The following GPR137 variants were observed in gnomAD, a reference collection of about 807,000 sequenced individuals.
GPR137 encodes the protein integral membrane protein GPR137.
GPR137 carries 20 observed loss-of-function variants against 38.9 expected under a neutral mutation model. That is an observed-to-expected ratio of 0.51 (90% CI 0.36 to 0.75). The LOEUF is 0.75. Ranked by LOEUF, GPR137 falls within the 30% of genes least tolerant of loss-of-function variation. GPR137 has a pLI of 0.00. For missense variants in GPR137, 456 were observed against 526.4 expected (o/e 0.87, Z 1.31); for synonymous variants, 226 against 235.8 (o/e 0.96, Z 0.38).
chr11:64,277,492 G>A (rs1380986518), intron 2 of GPR137, among the ~76,000 whole-genome samples: 1 of 152,158 alleles, frequency 6.6e-6, no homozygotes, highest in African/African-American at 2.4e-5. Flanking sequence ...GACTGGAGTG[G>A]GGTGGCACGA....
At chr11:64,279,759 T>C (rs1383701720), upstream of GPR137, among the ~76,000 whole-genome samples, 81 of 58,662 alleles carry the variant, frequency 1.4e-3, no homozygotes, top group East Asian at 0.019. Context: ...TAAGACTCTA[T>C]CTCAAAAAAA....
chr11:64,273,074 A>G (rs935307588), upstream of GPR137, among the ~76,000 whole-genome samples: 1 of 152,294 alleles, frequency 6.6e-6, no homozygotes, highest in Middle Eastern at 3.4e-3. Context: ...AATTTAAAAA[A>G]TTAATAAAAG....
rs751256792 is a variant in GPR137 at position 64,286,749 on chromosome 11, C to T, written c.225C>T (p.Thr75=). 4.2e-5 allele frequency: 68 copies of T among 1,612,736 alleles called. No homozygotes were observed. Among genetic ancestry groups the T allele is most frequent in the Admixed American group, 2.0e-4 (12 of 59,926 alleles). The change falls in exon 1 of 7, where the codon ACC becomes ACT. Residue 75 remains threonine, a synonymous_variant. Coordinates refer to ENST00000438980, the MANE Select transcript of GPR137 (RefSeq NM_001170880.2). ...LCLLWAALRT[T]LFSFYFRDTP... ...TGCTCTGGGCCGCCTTGCGTACCAC[C>T]CTCTTCTCCTTCTACTTCCGAGATA...
chr11:64,280,406 C>T (rs1237234407), upstream of GPR137, among the ~76,000 whole-genome samples: 6 of 145,644 alleles, frequency 4.1e-5, no homozygotes, highest in Admixed American at 1.4e-4. Flanking sequence ...GGCTGGAGTG[C>T]AGTGGCACCA....
upstream of GPR137, among the ~76,000 whole-genome samples, chr11:64,281,167 C>A (rs1280538395): frequency 6.6e-6 from 1 of 152,148 alleles, no homozygotes; most frequent in Non-Finnish European, 1.5e-5. Flanking sequence ...CGGGGTTCAC[C>A]GTGTTAGCCA....
chr11:64,273,080 A>G (rs2032760535), upstream of GPR137, among the ~76,000 whole-genome samples: 1 of 152,158 alleles, frequency 6.6e-6, no homozygotes, highest in Admixed American at 6.5e-5. Flanking sequence ...AAAAATTAAT[A>G]AAAGAAGGCC....
chr11:64,278,788 AG>A (rs1395643790), intron 2 of GPR137, among the ~76,000 whole-genome samples: 2 of 152,206 alleles, frequency 1.3e-5, no homozygotes, highest in Non-Finnish European at 2.9e-5. Context: ...GCCATCCAGC[AG>A]GGGGGCCTGG....
upstream of GPR137, chr11:64,285,784 G>T (rs1461178434): frequency 1.0e-6 from 1 of 985,322 alleles, no homozygotes; most frequent in Non-Finnish European, 1.2e-6. Context: ...TGCGGAGCCA[G>T]CCGGGCCGCT....
Position 64,286,239 on chromosome 11 carries a change from G to T in GPR137, c.-286G>T. 8.0e-7 allele frequency: 1 copy of T among 1,249,710 alleles called. No homozygotes were observed. Among genetic ancestry groups the T allele is most frequent in the Non-Finnish European group, 1.0e-6 (1 of 993,968 alleles). The allele number at this position is 1,249,710 out of a possible 1,614,324, so 77.4% of individuals were successfully genotyped here. ...CCCCCCATCCTTGGCTCTGGGGTAG[G>T]CCCAGGGAGGAGACACCCCCAACCC... On this transcript the variant is annotated 5_prime_UTR_variant, in exon 1 of 7. Coordinates refer to ENST00000438980, the MANE Select transcript of GPR137 (RefSeq NM_001170880.2).
In GPR137 at chr11:64,288,099, GCGCCATGGT is replaced by G; in HGVS notation, c.670_678del (p.Ala224_Val226del). 6.2e-7 allele frequency: 1 copy of G among 1,612,020 alleles called. No homozygotes were observed. Among genetic ancestry groups the G allele is most frequent in the Non-Finnish European group, 8.5e-7 (1 of 1,179,972 alleles). On this transcript the variant is annotated inframe_deletion, in exon 4 of 7. Transcript: ENST00000438980. This position sits in a 1 kb window ranked among gnomAD's most constrained non-coding sequence, Gnocchi z 5.5. ...GTGTGCCAGGCGGCCGCGATGGGTG[GCGCCATGGT>G]CCTGCTCTATGCCAGCCGGGCCTGC...
upstream of GPR137, among the ~76,000 whole-genome samples, chr11:64,275,345 G>A (rs547743366): frequency 3.3e-5 from 5 of 152,338 alleles, no homozygotes; most frequent in East Asian, 9.7e-4. Context: ...TTCCAGTTCT[G>A]TGGTGCGGTG....
chr11:64,272,803 GCT>G (rs781466468), upstream of GPR137: 2 of 152,274 alleles, frequency 1.3e-5, no homozygotes, highest in African/African-American at 2.4e-5. Flanking sequence ...GATCAGCGGA[GCT>G]CTGTGTCTCT....
At chr11:64,278,949 A>C (rs2033246745) in intron 2 of GPR137, among the ~76,000 whole-genome samples, 1 of 152,194 alleles carries the variant, frequency 6.6e-6, no homozygotes, top group Non-Finnish European at 1.5e-5. Context: ...AAACTAAATC[A>C]AAAGGTTAAG....
chr11:64,275,488 G>A (rs535834416), upstream of GPR137, among the ~76,000 whole-genome samples: 1 of 152,198 alleles, frequency 6.6e-6, no homozygotes, highest in East Asian at 1.9e-4. Flanking sequence ...TGCCAGGATC[G>A]CCATGACAAC....
upstream of GPR137, among the ~76,000 whole-genome samples, chr11:64,281,321 C>G (rs569207566): frequency 6.6e-6 from 1 of 152,260 alleles, no homozygotes; most frequent in African/African-American, 2.4e-5. Context: ...TTCCCTCGCA[C>G]CCCACATCCA....
chr11:64,280,957 C>T (rs925696633), upstream of GPR137, among the ~76,000 whole-genome samples: 3 of 149,760 alleles, frequency 2.0e-5, no homozygotes, highest in Non-Finnish European at 4.4e-5. Context: ...TGTGAGCCAC[C>T]ACGCCCGGCC....
chr11:64,271,828 G>A (rs1204901211), upstream of GPR137: 1 of 1,366,960 alleles, frequency 7.3e-7, no homozygotes, highest in East Asian at 2.9e-5. Flanking sequence ...TGGGTAGGGG[G>A]GCGACGTTAA....
At position 64,286,094 on chromosome 11, in the gene GPR137, A is replaced by C. The variant is rs1591197258; in HGVS notation, c.-431A>C. 2.0e-5 allele frequency: 20 copies of C among 991,440 alleles called. No individual in the cohort carries two copies. The highest frequency in any genetic ancestry group is 1.2e-4 in the Admixed American group (2 of 16,454). The allele number at this position is 991,440 out of a possible 1,614,324, so 61.4% of individuals were successfully genotyped here. A position where few individuals can be genotyped will look rare whatever the true frequency, so the allele number is the denominator to read the frequency against. ...AGCTTGGGGAGGGGGAGAGCGGGGC[A>C]TTGGGCGCCCCTCGCAGCGGCCGCT... On this transcript the variant is annotated 5_prime_UTR_variant, in exon 1 of 7. Coordinates refer to ENST00000438980, the MANE Select transcript of GPR137 (RefSeq NM_001170880.2).
rs879916531 is a variant in GPR137, at chr11:64,286,114, GC to G, written c.-409del. ...GGGGCATTGGGCGCCCCTCGCAGCGGCCGCTGCCCTGACCCGACGGGTATCA... is the reference window on the plus strand; with the variant it reads ...GGGGCATTGGGCGCCCCTCGCAGCGGCGCTGCCCTGACCCGACGGGTATCA... On this transcript the variant is annotated 5_prime_UTR_variant, in exon 1 of 7. Coordinates refer to ENST00000438980, the MANE Select transcript of GPR137 (RefSeq NM_001170880.2). The G allele has an allele frequency of 1.2e-5, 12 of 1,004,610 alleles. No individual in the cohort carries two copies. Among genetic ancestry groups the G allele is most frequent in the African/African-American group, 1.7e-5 (1 of 58,014 alleles). 62.2% of individuals were successfully genotyped at this position (1,004,610 alleles called of 1,614,324 possible). A position where few individuals can be genotyped will look rare whatever the true frequency, so the allele number is the denominator to read the frequency against.
Sources: allele counts gnomAD v4.1 joint callset (sites outside exome capture counted in the v4.1 genomes callset), GRCh38; gene constraint gnomAD v4.1.1; non-coding constraint Gnocchi (gnomAD v3.1); transcripts MANE v1.5; gene names NCBI Gene and HGNC (gene_info 2026-07-23, HGNC 2026-07-21).